The following PIWIL1 variants were observed in gnomAD, a reference collection of about 807,000 sequenced individuals.
The protein encoded by PIWIL1 is piwi-like protein 1.
A neutral mutation model predicts 114.4 loss-of-function variants in PIWIL1; 73 were observed. The ratio of observed to expected loss-of-function variants is 0.64; its 90% CI spans 0.53 to 0.78. PIWIL1 has a LOEUF of 0.78. Among genes scored for constraint, PIWIL1 ranks in the 30% least tolerant of loss-of-function variants. The pLI is 0.00. For synonymous variants in PIWIL1, 375 were observed against 369.0 expected (o/e 1.02, Z -0.19); for missense variants, 723 against 1,063.1 (o/e 0.68, Z 4.45).
chr12:130,340,746 C>A (rs572328114), intron 1 of PIWIL1, among the ~76,000 whole-genome samples: 1 of 151,962 alleles, frequency 6.6e-6, no homozygotes, highest in East Asian at 1.9e-4. Flanking sequence ...GCCAGTATGC[C>A]CCGTGTGTAA....
chr12:130,425,847 C>T, the PIWIL1 span: 29,962 of 152,334 alleles, frequency 0.2, 3,308 homozygotes, highest in East Asian at 0.43. Context: ...ACTTGTCTGT[C>T]CCCCCTCTTG....
At chr12:130,380,209 G>A in the PIWIL1 span, among the ~76,000 whole-genome samples, 455 of 135,740 alleles carry the variant, frequency 3.4e-3, 64 homozygotes, top group African/African-American at 0.016. Flanking sequence ...AGCATTGACA[G>A]TTCCTTCAAC....
the PIWIL1 span, among the ~76,000 whole-genome samples, chr12:130,394,532 A>G: frequency 1.3e-5 from 2 of 152,198 alleles, no homozygotes; most frequent in Non-Finnish European, 2.9e-5. Flanking sequence ...AAAAGCTTCC[A>G]ATATACCTGC....
chr12:130,390,979 A>C, the PIWIL1 span, among the ~76,000 whole-genome samples: 29 of 152,256 alleles, frequency 1.9e-4, no homozygotes, highest in African/African-American at 7.0e-4. Context: ...TTCTCTGTGC[A>C]CTGGCACATA....
At chr12:130,351,061 A>G (rs1029965618) in intron 9 of PIWIL1, 7 of 152,140 alleles carry the variant, frequency 4.6e-5, no homozygotes, top group African/African-American at 1.7e-4. Context: ...GACTCCAACC[A>G]TGCCTAACCT....
At chr12:130,410,265 T>G in the PIWIL1 span, among the ~76,000 whole-genome samples, 1 of 152,252 alleles carries the variant, frequency 6.6e-6, no homozygotes, top group Non-Finnish European at 1.5e-5. Context: ...AAGGTCTTTG[T>G]GTATTCTGAA....
At chr12:130,393,387 CA>C in the PIWIL1 span, among the ~76,000 whole-genome samples, 1 of 146,334 alleles carries the variant, frequency 6.8e-6, no homozygotes, top group Admixed American at 6.7e-5. Flanking sequence ...TGTGATGACC[CA>C]GTCACCGTCA....
intron 7 of PIWIL1, among the ~76,000 whole-genome samples, chr12:130,348,930 A>G (rs1310493798): frequency 1.3e-5 from 2 of 152,146 alleles, no homozygotes; most frequent in Non-Finnish European, 2.9e-5. Context: ...TTGCAGCCCA[A>G]CAGGTTTAAG....
downstream of PIWIL1, among the ~76,000 whole-genome samples, chr12:130,376,575 A>T (rs1696508860): frequency 6.6e-6 from 1 of 152,104 alleles, no homozygotes; most frequent in African/African-American, 2.4e-5. Flanking sequence ...CAGCTCCGTA[A>T]ATCAGGACTT....
chr12:130,418,215 T>C, the PIWIL1 span, among the ~76,000 whole-genome samples: 1 of 152,260 alleles, frequency 6.6e-6, no homozygotes, highest in Non-Finnish European at 1.5e-5. Flanking sequence ...AGAGTCTTTT[T>C]TGAATGCCTA....
intron 16 of PIWIL1, among the ~76,000 whole-genome samples, chr12:130,361,814 A>T (rs1246987748): frequency 1.3e-5 from 2 of 152,174 alleles, no homozygotes; most frequent in Non-Finnish European, 2.9e-5. Context: ...TTTTAATCAT[A>T]TGTATTGGCG....
chr12:130,356,908 T>C lies in PIWIL1; in HGVS notation c.1405-10T>C. On this transcript the variant is annotated splice_polypyrimidine_tract_variant and intron_variant, in intron 12 of 20. Coordinates refer to ENST00000245255, the MANE Select transcript of PIWIL1 (RefSeq NM_004764.5). ...AATGGAATTTACAGTGTGTCTGAACTCTCTTCTAGTTTGATTACAATCCAC... is the reference window on the plus strand; with the variant it reads ...AATGGAATTTACAGTGTGTCTGAACCCTCTTCTAGTTTGATTACAATCCAC... 6.3e-7 allele frequency: 1 copy of C among 1,587,062 alleles called. No individual in the cohort carries two copies. The highest frequency in any genetic ancestry group is 8.6e-7 in the Non-Finnish European group (1 of 1,162,026).
chr12:130,423,081 G>A, the PIWIL1 span, among the ~76,000 whole-genome samples: 1 of 152,182 alleles, frequency 6.6e-6, no homozygotes, highest in Non-Finnish European at 1.5e-5. Context: ...CTCCTAATCT[G>A]AAAATGCTGG....
At chr12:130,390,020 G>T in the PIWIL1 span, among the ~76,000 whole-genome samples, 37 of 152,286 alleles carry the variant, frequency 2.4e-4, 2 homozygotes, top group South Asian at 7.7e-3. Context: ...TTACCATGTT[G>T]TTGGAAACCA....
chr12:130,375,071 T>A (rs2073856430), downstream of PIWIL1, among the ~76,000 whole-genome samples: 1 of 152,126 alleles, frequency 6.6e-6, no homozygotes, highest in African/African-American at 2.4e-5. Flanking sequence ...GAATCTACTT[T>A]GATCAGATCA....
At chr12:130,353,589 G>T (rs751134759) in intron 9 of PIWIL1, among the ~76,000 whole-genome samples, 3 of 152,148 alleles carry the variant, frequency 2.0e-5, no homozygotes, top group Non-Finnish European at 2.9e-5. Flanking sequence ...TAGAATTGCC[G>T]AACTGAGCTG....
At chr12:130,367,630 T>A (rs2073697726) in intron 19 of PIWIL1, among the ~76,000 whole-genome samples, 1 of 152,204 alleles carries the variant, frequency 6.6e-6, no homozygotes. Context: ...TGTCTAAAGG[T>A]CAAGAAGTTT....
chr12:130,424,649 C>A, the PIWIL1 span: 1 of 1,231,972 alleles, frequency 8.1e-7, no homozygotes, highest in Non-Finnish European at 1.0e-6. This position sits in a 1 kb window ranked among gnomAD's most constrained non-coding sequence, Gnocchi z 9.8. Context: ...CCTCGTCGCC[C>A]CTGTAGGGCC....
chr12:130,357,428 G>C, intron 13 of PIWIL1, 53 bp from the exon 14 acceptor site: 1 of 1,313,046 alleles, frequency 7.6e-7, no homozygotes. Flanking sequence ...GTTTATGCAC[G>C]GTCCATTTGT....
Sources: gnomAD v4.1 joint callset for allele counts (sites outside exome capture counted in the v4.1 genomes callset) on GRCh38, gnomAD v4.1.1 for gene constraint, Gnocchi (gnomAD v3.1) non-coding constraint, MANE v1.5 for transcripts, NCBI Gene and HGNC (gene_info 2026-07-23, HGNC 2026-07-21) for gene names.